The following TMEM266 variants were observed in gnomAD, a reference collection of about 807,000 sequenced individuals.
TMEM266 encodes the protein transmembrane protein 266.
Under a neutral mutation model 50.5 loss-of-function variants are expected in TMEM266, and 33 were observed. The observed-to-expected ratio is 0.65, with a 90% confidence interval of 0.50 to 0.87. The LOEUF is 0.87. TMEM266 is among the 40% of genes least tolerant of loss of function. TMEM266 has a pLI of 0.00. For missense variants in TMEM266, 655 were observed against 695.1 expected (o/e 0.94, Z 0.65); for synonymous variants, 310 against 292.3 (o/e 1.06, Z -0.62).
chr15:76,084,609 T>G (rs1310888125), intron 1 of TMEM266, among the ~76,000 whole-genome samples: 3 of 134,580 alleles, frequency 2.2e-5, no homozygotes, highest in African/African-American at 5.3e-5. Flanking sequence ...TTTTTTTTTT[T>G]TTGTTTTTTG....
At chr15:76,081,457 C>T (rs2036692937) in intron 1 of TMEM266, among the ~76,000 whole-genome samples, 1 of 152,226 alleles carries the variant, frequency 6.6e-6, no homozygotes, top group South Asian at 2.1e-4. Context: ...ATATCACCTT[C>T]CACTGTGCCT....
chr15:76,108,813 C>T (rs1753822771), intron 1 of TMEM266, among the ~76,000 whole-genome samples: 1 of 152,164 alleles, frequency 6.6e-6, no homozygotes, highest in South Asian at 2.1e-4. Context: ...ATTCTTGTCA[C>T]CCCTTTGTTA....
intron 1 of TMEM266, among the ~76,000 whole-genome samples, chr15:76,088,632 T>TA (rs930259886): frequency 4.0e-5 from 6 of 149,530 alleles, no homozygotes; most frequent in African/African-American, 1.5e-4. Context: ...CCATCTCTAC[T>TA]AAAAAATACA....
intron 1 of TMEM266, among the ~76,000 whole-genome samples, chr15:76,120,800 C>G (rs1393401969): frequency 6.8e-6 from 1 of 146,320 alleles, no homozygotes; most frequent in East Asian, 2.0e-4. Context: ...AAGATACACA[C>G]AGATTAACAT....
intron 3 of TMEM266, among the ~76,000 whole-genome samples, chr15:76,140,589 G>T (rs1320518951): frequency 6.6e-6 from 1 of 152,132 alleles, no homozygotes; most frequent in Non-Finnish European, 1.5e-5. Flanking sequence ...CCGCCTCCCA[G>T]TGCTCTTGAG....
At chr15:76,062,403 G>C (rs1027653059) in intron 1 of TMEM266, among the ~76,000 whole-genome samples, 1 of 152,134 alleles carries the variant, frequency 6.6e-6, no homozygotes, top group African/African-American at 2.4e-5. Flanking sequence ...ACAGTATAGC[G>C]GTTTGTACAT....
Position 76,117,151 on chromosome 15 carries a change from G to A in TMEM266, c.-96-17017G>A, listed in dbSNP as rs777404853. 1.7e-3 allele frequency among the ~76,000 whole-genome samples: 260 copies of A among 152,022 alleles called. 1 individual carries two copies. The highest frequency in any genetic ancestry group is 5.9e-3 in the African/African-American group (243 of 41,458). On this transcript the variant is annotated intron_variant, in intron 1 of 10. Transcript: ENST00000388942. Reference sequence around the variant, plus strand: ...CAACCTCAGATGATCTGCCTGCCTCGGCCTCCCAAAGTGCTGGGATTACAG... The same window carrying A: ...CAACCTCAGATGATCTGCCTGCCTCAGCCTCCCAAAGTGCTGGGATTACAG...
In TMEM266 at chr15:76,070,208, G is replaced by T. The variant is rs76680932; in HGVS notation, c.-97+10192G>T. Reference sequence around the variant, plus strand: ...AGGCTGAGGTTCTATTTAGCATTCTGTTCATAGTCATGGATGGCTGCTTCA... The same window carrying T: ...AGGCTGAGGTTCTATTTAGCATTCTTTTCATAGTCATGGATGGCTGCTTCA... On this transcript the variant is annotated intron_variant, in intron 1 of 10. Coordinates refer to ENST00000388942, the MANE Select transcript of TMEM266 (RefSeq NM_152335.3). Among the ~76,000 whole-genome samples, 604 of 152,298 alleles carry T rather than the reference G, an allele frequency of 4.0e-3. 1 individual carries two copies. Among genetic ancestry groups the T allele is most frequent in the Non-Finnish European group, 5.8e-3 (397 of 68,028 alleles).
At position 76,204,509 on chromosome 15, in the gene TMEM266, C is replaced by T. The variant is rs2038806020; in HGVS notation, c.*194C>T. On this transcript the variant is annotated 3_prime_UTR_variant, in exon 11 of 11. Coordinates refer to ENST00000388942, the MANE Select transcript of TMEM266 (RefSeq NM_152335.3). ...AGACCTCAAAGCCCAGAGCTGGCGC[C>T]TCTTCTCGCCCTGCTCAGGGGAGGG... 1 of 524,702 alleles carries T rather than the reference C, an allele frequency of 1.9e-6. No homozygotes were observed. Among genetic ancestry groups the T allele is most frequent in the Admixed American group, 3.3e-5 (1 of 29,994 alleles). 32.5% of individuals were successfully genotyped at this position (524,702 alleles called of 1,614,324 possible).
intron 1 of TMEM266, among the ~76,000 whole-genome samples, chr15:76,098,926 C>T (rs561856969): frequency 2.6e-5 from 4 of 152,208 alleles, no homozygotes; most frequent in South Asian, 2.1e-4. Flanking sequence ...GCCCCTCCCC[C>T]CCACCAAGCT....
At chr15:76,182,463 C>T (rs1052068499) in intron 8 of TMEM266, among the ~76,000 whole-genome samples, 28 of 149,494 alleles carry the variant, frequency 1.9e-4, no homozygotes, top group East Asian at 9.7e-4. Flanking sequence ...GGTGAAACCC[C>T]GTCTCTACTA....
chr15:76,204,265 A>C lies in TMEM266; in HGVS notation c.1546A>C (p.Arg516=), dbSNP rs376333952. 6.2e-7 allele frequency: 1 copy of C among 1,613,076 alleles called. No homozygotes were observed. Among genetic ancestry groups the C allele is most frequent in the Non-Finnish European group, 8.5e-7 (1 of 1,179,356 alleles). Residue 516 remains arginine (R), a synonymous_variant, in exon 11 of 11, where the codon AGA becomes CGA. Coordinates refer to ENST00000388942, the MANE Select transcript of TMEM266 (RefSeq NM_152335.3). ...TGTGCCCATGCTGGAGGACAAGTTC[A>C]GATCTTTGGAATCCAAAGAGCAAAA... is the stretch of plus-strand genomic sequence containing the variant.
rs2037876588 is a variant in TMEM266 at position 76,153,614 on chromosome 15, A to C, written c.228-2990A>C. Among the ~76,000 whole-genome samples the C allele has an allele frequency of 6.6e-6, 1 of 152,124 alleles. No homozygotes were observed. Among genetic ancestry groups the C allele is most frequent in the East Asian group, 1.9e-4 (1 of 5,182 alleles). Reference sequence around the variant, plus strand: ...CTAGAGCTGTGGGGGAGGAGTGAGCAGGCAGAGGGCAGGAGGGGAACCGGC... The same window carrying C: ...CTAGAGCTGTGGGGGAGGAGTGAGCCGGCAGAGGGCAGGAGGGGAACCGGC... On this transcript the variant is annotated intron_variant, in intron 3 of 10. Transcript: ENST00000388942. The surrounding 1 kb of genome is among the most constrained non-coding windows in gnomAD (Gnocchi z 4.2).
At position 76,089,445 on chromosome 15, in the gene TMEM266, A is replaced by G. The variant is rs1010800677; in HGVS notation, c.-97+29429A>G. 1.1e-4 allele frequency among the ~76,000 whole-genome samples: 16 copies of G among 152,148 alleles called. No individual in the cohort carries two copies. The East Asian group carries it at 3.1e-3, about 29-fold the overall frequency. On this transcript the variant is annotated intron_variant, in intron 1 of 10. Transcript: ENST00000388942. ...CCTGACCTTGTGATCTGCCCGCCTC[A>G]GCCTCCCAAAGTGCTGGGATTACAG...
intron 1 of TMEM266, among the ~76,000 whole-genome samples, chr15:76,078,210 C>T (rs2036632600): frequency 6.6e-6 from 1 of 152,058 alleles, no homozygotes; most frequent in African/African-American, 2.4e-5. Context: ...TGGGCTTCCC[C>T]ATGGCCCAGA....
At chr15:76,092,830 C>G in intron 1 of TMEM266, among the ~76,000 whole-genome samples, 1 of 105,712 alleles carries the variant, frequency 9.5e-6, no homozygotes. Flanking sequence ...TTTTTTGAGA[C>G]TGAGTCTCGC....
At chr15:76,091,429 A>G (rs1004002016) in intron 1 of TMEM266, among the ~76,000 whole-genome samples, 1 of 151,962 alleles carries the variant, frequency 6.6e-6, no homozygotes, top group Non-Finnish European at 1.5e-5. Context: ...CCATGCTTGT[A>G]ATCCCAGCAC....
In TMEM266 at chr15:76,161,330, C is replaced by T. The variant is rs546308818; in HGVS notation, c.456+1162C>T. Among the ~76,000 whole-genome samples, 1 of 152,052 alleles carries T rather than the reference C, an allele frequency of 6.6e-6. No individual in the cohort carries two copies. Among genetic ancestry groups the T allele is most frequent in the Non-Finnish European group, 1.5e-5 (1 of 67,994 alleles). ...GCACAGGGGCTCTGGGACCCCGAGACGGGGGGCCTTGAAGGGAGGAAGGAT... is the reference window on the plus strand; with the variant it reads ...GCACAGGGGCTCTGGGACCCCGAGATGGGGGGCCTTGAAGGGAGGAAGGAT... On this transcript the variant is annotated intron_variant, in intron 5 of 10. Transcript: ENST00000388942. This position sits in a 1 kb window ranked among gnomAD's most constrained non-coding sequence, Gnocchi z 4.1.
At position 76,068,177 on chromosome 15, in the gene TMEM266, C is replaced by T. The variant is rs796207709; in HGVS notation, c.-97+8161C>T. ...TGCCATACCCAAAGGCTAAAAGTGA[C>T]AGTTAAAATACATGCTTTCTGAAAA... is the stretch of plus-strand genomic sequence containing the variant. On this transcript the variant is annotated intron_variant, in intron 1 of 10. Coordinates refer to ENST00000388942, the MANE Select transcript of TMEM266 (RefSeq NM_152335.3). 3.3e-5 allele frequency among the ~76,000 whole-genome samples: 5 copies of T among 152,302 alleles called. No individual in the cohort carries two copies. In the South Asian group the frequency reaches 1.0e-3, roughly 32 times the overall value.
Sources: allele counts gnomAD v4.1 joint callset (sites outside exome capture counted in the v4.1 genomes callset), GRCh38; gene constraint gnomAD v4.1.1; non-coding constraint Gnocchi (gnomAD v3.1); transcripts MANE v1.5; gene names NCBI Gene and HGNC (gene_info 2026-07-23, HGNC 2026-07-21).